Variants in MMP16 observed in about 807,000 individuals in gnomAD.
MMP16 encodes matrix metalloproteinase-16.
In MMP16, 12 loss-of-function variants were observed where a neutral mutation model predicts 67.8. The observed-to-expected ratio is 0.18, with a 90% CI of 0.11 to 0.29. The LOEUF is 0.29. Ranked by LOEUF, MMP16 falls within the 10% of genes least tolerant of loss-of-function variation. MMP16 has a pLI of 1.00. For missense variants in MMP16, 475 were observed against 765.7 expected (o/e 0.62, Z 4.48); for synonymous variants, 249 against 255.9 (o/e 0.97, Z 0.26).
intron 3 of MMP16, among the ~76,000 whole-genome samples, chr8:88,184,215 T>C (rs142408880): frequency 6.6e-6 from 1 of 152,194 alleles, no homozygotes; most frequent in Admixed American, 6.5e-5. Context: ...CATGCTCACA[T>C]GCCTACTAAA....
chr8:88,056,364 A>G (rs1808332657), intron 7 of MMP16, 86 bp from the exon 8 acceptor site: 4 of 520,994 alleles, frequency 7.7e-6, no homozygotes, highest in Non-Finnish European at 1.1e-5. Context: ...AATTATATTA[A>G]ATACATATTA....
intron 1 of MMP16, among the ~76,000 whole-genome samples, chr8:88,289,968 A>G (rs1003566840): frequency 1.3e-5 from 2 of 152,184 alleles, no homozygotes; most frequent in Middle Eastern, 3.4e-3. Flanking sequence ...CTGAAAGCTG[A>G]TATCTGAAGG....
chr8:88,061,729 T>C (rs1179785896), intron 7 of MMP16, among the ~76,000 whole-genome samples: 1 of 152,114 alleles, frequency 6.6e-6, no homozygotes, highest in East Asian at 1.9e-4. Context: ...ATTGTTATTA[T>C]TCTACTTAAA....
At chr8:88,167,193 C>T (rs991949776) in intron 4 of MMP16, among the ~76,000 whole-genome samples, 1 of 151,810 alleles carries the variant, frequency 6.6e-6, no homozygotes, top group African/African-American at 2.4e-5. Flanking sequence ...GCCTGGGCGA[C>T]AAGAGCAAAA....
intron 3 of MMP16, among the ~76,000 whole-genome samples, chr8:88,170,849 A>G (rs1347600934): frequency 6.6e-6 from 1 of 152,108 alleles, no homozygotes; most frequent in African/African-American, 2.4e-5. Context: ...TGATGGAAAA[A>G]TGGATGATGG....
At chr8:88,167,185 C>G (rs763518819) in intron 4 of MMP16, among the ~76,000 whole-genome samples, 6 of 151,942 alleles carry the variant, frequency 3.9e-5, no homozygotes, top group Non-Finnish European at 8.8e-5. Flanking sequence ...GCACTCCAGC[C>G]TGGGCGACAA....
chr8:88,297,457 C>A (rs889151501), intron 1 of MMP16, among the ~76,000 whole-genome samples: 2 of 152,134 alleles, frequency 1.3e-5, no homozygotes, highest in Non-Finnish European at 2.9e-5. Flanking sequence ...ATAGAGATGG[C>A]CTCTCTGCGT....
intron 3 of MMP16, among the ~76,000 whole-genome samples, chr8:88,173,543 A>T (rs189681490): frequency 1.3e-4 from 20 of 152,314 alleles, no homozygotes; most frequent in Admixed American, 1.1e-3. Context: ...AGAAAGGCAT[A>T]CTAATGTTTT....
At chr8:88,269,080 A>C (rs574919508) in intron 1 of MMP16, among the ~76,000 whole-genome samples, 1 of 152,316 alleles carries the variant, frequency 6.6e-6, no homozygotes, top group African/African-American at 2.4e-5. Context: ...TGCACTTCCT[A>C]ATCACAGAGA....
intron 6 of MMP16, among the ~76,000 whole-genome samples, chr8:88,080,157 A>C (rs1167166087): frequency 2.6e-5 from 4 of 152,206 alleles, no homozygotes; most frequent in Admixed American, 2.6e-4. Flanking sequence ...TCGCTGGATT[A>C]CCAGCATGGT....
chr8:88,306,103 A>T (rs1205505212), intron 1 of MMP16, among the ~76,000 whole-genome samples: 3 of 152,000 alleles, frequency 2.0e-5, no homozygotes, highest in Non-Finnish European at 4.4e-5. Context: ...GATAAGGGGG[A>T]TGTCACCATT....
chr8:88,046,843 T>C (rs1409174377), intron 8 of MMP16, 59 bp from the exon 9 acceptor site: 6 of 1,096,628 alleles, frequency 5.5e-6, no homozygotes, highest in Admixed American at 2.3e-5. Context: ...GGAAAGATTA[T>C]GCATACAAAC....
At chr8:88,089,543 T>A (rs950195430) in intron 6 of MMP16, among the ~76,000 whole-genome samples, 2 of 151,900 alleles carry the variant, frequency 1.3e-5, no homozygotes, top group African/African-American at 4.8e-5. Context: ...GGGCATCCAA[T>A]GACATGATCA....
intron 2 of MMP16, among the ~76,000 whole-genome samples, chr8:88,193,544 AC>A (rs1386960027): frequency 1.3e-5 from 2 of 152,102 alleles, no homozygotes; most frequent in African/African-American, 4.8e-5. Context: ...TAGGGTGACT[AC>A]AGGTAAAAAC....
At chr8:88,060,159 TGTTCAACGTA>T (rs1365838769) in intron 7 of MMP16, among the ~76,000 whole-genome samples, 1 of 152,094 alleles carries the variant, frequency 6.6e-6, no homozygotes, top group Admixed American at 6.6e-5. Flanking sequence ...TGAATGAGAC[TGTTCAACGTA>T]AAATTGTGAA....
At chr8:88,078,609 C>T (rs1252805634) in intron 6 of MMP16, among the ~76,000 whole-genome samples, 4 of 151,986 alleles carry the variant, frequency 2.6e-5, no homozygotes, top group Admixed American at 6.6e-5. Flanking sequence ...ACCCAGGAGG[C>T]GGAGGCTGCA....
chr8:88,253,679 T>C (rs966239694), intron 1 of MMP16, among the ~76,000 whole-genome samples: 2 of 151,688 alleles, frequency 1.3e-5, no homozygotes, highest in Non-Finnish European at 2.9e-5. Flanking sequence ...GTCAATATAT[T>C]ATTTAAAAAT....
chr8:88,132,769 C>T (rs1808053877), intron 4 of MMP16, among the ~76,000 whole-genome samples: 1 of 151,830 alleles, frequency 6.6e-6, no homozygotes, highest in African/African-American at 2.4e-5. Flanking sequence ...GAGGATTATA[C>T]CAAGGCATAA....
chr8:88,069,207 T>G, intron 7 of MMP16: 1 of 296,378 alleles, frequency 3.4e-6, no homozygotes, highest in Non-Finnish European at 6.5e-6. Context: ...GGCATATCTG[T>G]CCAGCTATTT....
Sources: gnomAD v4.1 joint callset for allele counts (sites outside exome capture counted in the v4.1 genomes callset) on GRCh38, gnomAD v4.1.1 for gene constraint, MANE v1.5 for transcripts, NCBI Gene and HGNC (gene_info 2026-07-23, HGNC 2026-07-21) for gene names.